The following SLC4A1AP variants were observed in gnomAD, a reference collection of about 807,000 sequenced individuals.
SLC4A1AP encodes the protein kanadaptin.
SLC4A1AP carries 64 observed loss-of-function variants against 89.7 expected under a neutral mutation model. The observed-to-expected ratio is 0.71, with a 90% CI of 0.58 to 0.88. The LOEUF (loss-of-function observed/expected upper bound fraction) is 0.88. Ranked by LOEUF, SLC4A1AP falls within the 40% of genes least tolerant of loss-of-function variation. The pLI, the probability that SLC4A1AP is intolerant of heterozygous loss-of-function variation, is 0.00. For missense variants in SLC4A1AP, 931 were observed against 965.0 expected, an observed-to-expected ratio of 0.96 and a Z score of 0.47; for synonymous variants, 366 against 353.3, an observed-to-expected ratio of 1.04 and a Z score of -0.40.
chr2:27,692,057 C>G (rs1161492838), intron 12 of SLC4A1AP: 1 of 152,170 alleles, frequency 6.6e-6, no homozygotes, highest in African/African-American at 2.4e-5. Context: ...AAGCAATCCT[C>G]CTGCCTTGGC....
At chr2:27,682,154 T>C (rs558601037) in intron 8 of SLC4A1AP, 94 bp from the exon 9 acceptor site, 58 of 742,866 alleles carry the variant, frequency 7.8e-5, no homozygotes, top group Non-Finnish European at 1.3e-4. Context: ...TAATTTTTAT[T>C]TTGCCAGAGG....
intron 10 of SLC4A1AP, 34 bp downstream of exon 10, chr2:27,685,311 G>T: frequency 6.3e-7 from 1 of 1,575,776 alleles, no homozygotes; most frequent in South Asian, 1.2e-5. Context: ...GTGTTGTTCA[G>T]TGGGCAGTTA....
chr2:27,682,496 A>ATC (rs1675635180), intron 9 of SLC4A1AP, 137 bp downstream of exon 9: 2 of 519,670 alleles, frequency 3.8e-6, no homozygotes, highest in East Asian at 7.0e-5. Context: ...GTATGATCAC[A>ATC]TCTTTCCCAG....
At chr2:27,675,168 A>T (rs920152933) in intron 5 of SLC4A1AP, among the ~76,000 whole-genome samples, 1 of 152,230 alleles carries the variant, frequency 6.6e-6, no homozygotes, top group East Asian at 1.9e-4. Context: ...TTATGGAACC[A>T]TCAACACTGT....
At chr2:27,693,537 A>T in intron 12 of SLC4A1AP, 148 bp from the exon 13 acceptor site, 1 of 602,226 alleles carries the variant, frequency 1.7e-6, no homozygotes. Flanking sequence ...TCTTTCATTC[A>T]TGAAACTTAG....
exon 6 of SLC4A1AP, chr2:27,675,654 G>A: frequency 3.7e-6 from 6 of 1,600,156 alleles, no homozygotes; most frequent in Admixed American, 1.7e-5. Context: ...GAAGAAGGCT[G>A]GCAAGATTGA....
At chr2:27,666,477 A>T (rs1675325755) in intron 2 of SLC4A1AP, among the ~76,000 whole-genome samples, 1 of 151,460 alleles carries the variant, frequency 6.6e-6, no homozygotes, top group Non-Finnish European at 1.5e-5. Context: ...ACTTGAAGGA[A>T]AGGAAAAGCC....
Position 27,677,293 on chromosome 2 carries a change from A to G in SLC4A1AP, c.1507-2A>G, listed in dbSNP as rs1167498607. The stretch of plus-strand genomic sequence containing the variant: ...GTAACCCTGTTGATTTGGGTGTTAC[A>G]GGTTGCAAAATTAAATGATGCTGAA... On this transcript the variant is annotated splice_acceptor_variant, in intron 6 of 13. Transcript: ENST00000613058. LOFTEE classifies it high-confidence loss of function. 6 of 1,605,446 alleles carry G rather than the reference A, an allele frequency of 3.7e-6. No individual in the cohort carries two copies. The African/African-American group carries it at 8.0e-5, about 21-fold the overall frequency.
chr2:27,691,466 T>C (rs1343686273), intron 12 of SLC4A1AP: 1 of 152,144 alleles, frequency 6.6e-6, no homozygotes, highest in Non-Finnish European at 1.5e-5. Flanking sequence ...TCTATGAATT[T>C]AGTTTATCTT....
intron 5 of SLC4A1AP, among the ~76,000 whole-genome samples, chr2:27,671,024 A>C (rs980572539): frequency 6.7e-6 from 1 of 149,162 alleles, no homozygotes; most frequent in African/African-American, 2.5e-5. Flanking sequence ...CTCGGGTTCA[A>C]GTGATTCTTC....
intron 8 of SLC4A1AP, 70 bp downstream of exon 8, chr2:27,677,994 T>C: frequency 9.9e-7 from 1 of 1,012,284 alleles, no homozygotes; most frequent in Non-Finnish European, 1.4e-6. Flanking sequence ...ATTATCGCTT[T>C]ATCTTCTTAA....
Position 27,678,745 on chromosome 2 carries a change from G to T in SLC4A1AP, c.1763+821G>T, listed in dbSNP as rs1262976607. Among the ~76,000 whole-genome samples, 7 of 148,562 alleles carry T rather than the reference G, an allele frequency of 4.7e-5. No individual in the cohort carries two copies. The East Asian group carries it at 1.2e-3, about 25-fold the overall frequency. On this transcript the variant is annotated intron_variant, in intron 8 of 13. Transcript: ENST00000613058. The stretch of plus-strand genomic sequence containing the variant: ...CTTTTTTTTTTTTTTTTGAGATAGG[G>T]TCTCACTGTGTCACCCAGGCTGGAG...
chr2:27,664,399 G>A (rs1410449003), exon 1 of SLC4A1AP: 4 of 1,614,248 alleles, frequency 2.5e-6, no homozygotes, highest in East Asian at 4.5e-5. Flanking sequence ...CTGCAGCACA[G>A]GGCGTCCGGC....
At chr2:27,663,980 G>A (rs140440527) in exon 1 of SLC4A1AP, 3 of 1,614,242 alleles carry the variant, frequency 1.9e-6, no homozygotes, top group South Asian at 1.1e-5. Context: ...ACTTCAAGAA[G>A]CCAGCTCTGC....
rs1450568244 is a variant in SLC4A1AP, at chr2:27,667,265, T to C, written c.1022-3T>C. On this transcript the variant is annotated splice_region_variant and splice_polypyrimidine_tract_variant and intron_variant, in intron 2 of 13. Transcript: ENST00000613058. ...TCTTTTCTTTCTTTTCCATATCCTG[T>C]AGGAGAAGATGCAGTAGAGGATGAT... 6.2e-7 allele frequency: 1 copy of C among 1,607,518 alleles called. No homozygotes were observed. Among genetic ancestry groups the C allele is most frequent in the South Asian group, 1.1e-5 (1 of 89,884 alleles).
chr2:27,689,162 CAGT>C (rs1675751116), intron 12 of SLC4A1AP, among the ~76,000 whole-genome samples: 1 of 152,014 alleles, frequency 6.6e-6, no homozygotes, highest in African/African-American at 2.4e-5. Context: ...TATTTTGTAA[CAGT>C]ATATTGAGAG....
chr2:27,666,871 A>T (rs868044018), intron 2 of SLC4A1AP, among the ~76,000 whole-genome samples: 11 of 135,222 alleles, frequency 8.1e-5, no homozygotes, highest in African/African-American at 3.0e-4. Context: ...ATATATATAT[A>T]TTTTTTTTTT....
At chr2:27,669,737 C>G (rs1465823684) in intron 5 of SLC4A1AP, among the ~76,000 whole-genome samples, 1 of 152,142 alleles carries the variant, frequency 6.6e-6, no homozygotes, top group African/African-American at 2.4e-5. Flanking sequence ...GTCACCCAGG[C>G]TGGAGTGCAG....
At chr2:27,670,357 CTT>C (rs952479675) in intron 5 of SLC4A1AP, among the ~76,000 whole-genome samples, 4 of 143,142 alleles carry the variant, frequency 2.8e-5, no homozygotes. Flanking sequence ...GTGTATTTTG[CTT>C]TTTTTTTTTT....
Sources: gnomAD v4.1 joint callset for allele counts (sites outside exome capture counted in the v4.1 genomes callset) on GRCh38, gnomAD v4.1.1 for gene constraint, MANE v1.5 for transcripts, NCBI Gene and HGNC (gene_info 2026-07-23, HGNC 2026-07-21) for gene names.